Variants in SYS1 observed in about 807,000 individuals in gnomAD.
SYS1 encodes SYS1 golgi trafficking protein.
A neutral mutation model predicts 17.8 loss-of-function variants in SYS1; 8 were observed. The observed-to-expected ratio is 0.45, with a 90% CI of 0.26 to 0.81. The LOEUF is 0.81. Among genes scored for constraint, SYS1 ranks in the 40% least tolerant of loss-of-function variants. The pLI is 0.16. For synonymous variants in SYS1, 95 were observed against 90.9 expected, an observed-to-expected ratio of 1.05 and a Z score of -0.26; for missense variants, 161 against 203.9, an observed-to-expected ratio of 0.79 and a Z score of 1.28.
At chr20:45,365,372 G>A (rs889724634) in intron 2 of SYS1, 4 of 592,690 alleles carry the variant, frequency 6.7e-6, no homozygotes, top group Middle Eastern at 4.5e-4. Flanking sequence ...AACTTAACTT[G>A]TCTGAGTTTT....
At chr20:45,372,505 C>A (rs1313027394), downstream of SYS1, 1 of 152,296 alleles carries the variant, frequency 6.6e-6, no homozygotes, top group Non-Finnish European at 1.5e-5. Context: ...TGGGAGGGCG[C>A]TGTCTTGACT....
rs964800369 is a variant in SYS1 at position 45,368,279 on chromosome 20, C to T, written c.*1164C>T. On this transcript the variant is annotated 3_prime_UTR_variant, in exon 4 of 4. Coordinates refer to ENST00000243918, the MANE Select transcript of SYS1 (RefSeq NM_033542.4). ...TACTCAGTGCAGGGAACTCTTACAT[C>T]CTGTCTCCTTCACTTGCAGCGTCCC... The T allele has an allele frequency of 6.1e-6, 6 of 985,450 alleles. No homozygotes were observed. The East Asian group carries it at 6.8e-4, about 112-fold the overall frequency. The allele number at this position is 985,450 out of a possible 1,614,324, so 61.0% of individuals were successfully genotyped here.
rs369818892 is a variant in SYS1, at chr20:45,375,142, G to T, written c.*848G>T. ...GGAGGATCTGCACATCACCCTGGGC[G>T]CCGGGAGGTGGATTCGTGTGGGCAG... On this transcript the variant is annotated 3_prime_UTR_variant, in exon 4 of 4. Coordinates refer to the SYS1 transcript ENST00000426004. The T allele has an allele frequency of 2.8e-5, 45 of 1,614,026 alleles. No homozygotes were observed. Among genetic ancestry groups the T allele is most frequent in the Non-Finnish European group, 3.6e-5 (43 of 1,180,046 alleles).
Position 45,367,038 on chromosome 20 carries a change from G to T in SYS1, c.394G>T (p.Val132Phe). 6.2e-7 allele frequency: 1 copy of T among 1,614,180 alleles called. No individual in the cohort carries two copies. The highest frequency in any genetic ancestry group is 8.5e-7 in the Non-Finnish European group (1 of 1,180,030). Residue 132 changes from valine (V) to phenylalanine (F), a missense_variant, in exon 4 of 4, where the codon GTC becomes TTC. Coordinates refer to ENST00000243918, the MANE Select transcript of SYS1 (RefSeq NM_033542.4). Reference protein sequence around the residue: ...VQAVCIALMAVIGEYLCMRTE... With the variant: ...VQAVCIALMAFIGEYLCMRTE... ...AGCCGTGTGCATTGCACTCATGGCT[G>T]TCATCGGGGAGTACCTGTGCATGCG...
chr20:45,373,831 CT>C, downstream of SYS1: 1 of 1,458,486 alleles, frequency 6.9e-7, no homozygotes. Flanking sequence ...CCGAAGGCCT[CT>C]TTCCTTCATC....
chr20:45,364,126 G>A (rs1988322666), intron 2 of SYS1, among the ~76,000 whole-genome samples: 2 of 152,338 alleles, frequency 1.3e-5, no homozygotes, highest in East Asian at 3.9e-4. Flanking sequence ...TGGGGCAAAT[G>A]TCACCTCTGT....
chr20:45,374,899 A>G, exon 4 of SYS1: 17 of 1,183,776 alleles, frequency 1.4e-5, no homozygotes, highest in East Asian at 2.4e-5. Flanking sequence ...CTCTCTGGAC[A>G]TGAAGGCGGA....
At chr20:45,371,186 G>C (rs1308710899), downstream of SYS1, among the ~76,000 whole-genome samples, 3 of 152,036 alleles carry the variant, frequency 2.0e-5, no homozygotes, top group Admixed American at 2.0e-4. Context: ...TTGTTTTCTG[G>C]TAGGTCAACA....
At position 45,363,519 on chromosome 20, in the gene SYS1, G is replaced by T; in HGVS notation, c.-3-10G>T. 1 of 1,587,694 alleles carries T rather than the reference G, an allele frequency of 6.3e-7. No homozygotes were observed. Among genetic ancestry groups the T allele is most frequent in the Non-Finnish European group, 8.6e-7 (1 of 1,168,908 alleles). ...GGCCGCTGGCTGAGGCCCGGCTCGT[G>T]TCCCTGCAGGGCATGGCGGGTCAGT... On this transcript the variant is annotated splice_polypyrimidine_tract_variant and intron_variant, in intron 1 of 3. Transcript: ENST00000243918.
Position 45,367,440 on chromosome 20 carries a change from A to G in SYS1, c.*325A>G. 4.4e-6 allele frequency: 5 copies of G among 1,147,712 alleles called. No individual in the cohort carries two copies. Among genetic ancestry groups the G allele is most frequent in the Non-Finnish European group, 5.4e-6 (5 of 927,558 alleles). The allele number at this position is 1,147,712 out of a possible 1,614,324, so 71.1% of individuals were successfully genotyped here. On this transcript the variant is annotated 3_prime_UTR_variant, in exon 4 of 4. Coordinates refer to ENST00000243918, the MANE Select transcript of SYS1 (RefSeq NM_033542.4). ...GCCTGTTGTTTTAAGAGAGAAAAAA[A>G]ATCAAGGATATCTGATTGGAGCAAA...
chr20:45,363,501 G>A (rs1485747999), intron 1 of SYS1, 28 bp from the exon 2 acceptor site: 1 of 1,569,398 alleles, frequency 6.4e-7, no homozygotes, highest in South Asian at 1.2e-5. Context: ...ACAGGCCGCT[G>A]GCTGAGGCCC....
downstream of SYS1, chr20:45,373,040 GCT>G (rs886497398): frequency 6.6e-6 from 1 of 152,316 alleles, no homozygotes; most frequent in Non-Finnish European, 1.5e-5. Context: ...CCCCTCGATG[GCT>G]CCACTGCTCT....
intron 2 of SYS1, chr20:45,365,338 C>A: frequency 2.0e-6 from 1 of 506,336 alleles, no homozygotes; most frequent in Non-Finnish European, 3.7e-6. Flanking sequence ...CTAGACTTTA[C>A]TCTTGTTGTT....
At position 45,367,494 on chromosome 20, in the gene SYS1, C is replaced by G. The variant is rs1385524015; in HGVS notation, c.*379C>G. ...CTTCTTTAGTCATCTGTCTTACCCCCCTGGGACAGCTGTTACCTTTGCAGT... is the reference window on the plus strand; with the variant it reads ...CTTCTTTAGTCATCTGTCTTACCCCGCTGGGACAGCTGTTACCTTTGCAGT... On this transcript the variant is annotated 3_prime_UTR_variant, in exon 4 of 4. Transcript: ENST00000243918. 2.9e-6 allele frequency: 3 copies of G among 1,037,750 alleles called. No homozygotes were observed. Among genetic ancestry groups the G allele is most frequent in the East Asian group, 8.8e-5 (1 of 11,366 alleles). The allele number at this position is 1,037,750 out of a possible 1,614,324, so 64.3% of individuals were successfully genotyped here.
upstream of SYS1, chr20:45,362,060 GTTC>G: frequency 1.0e-6 from 1 of 979,846 alleles, no homozygotes; most frequent in Non-Finnish European, 1.2e-6. Context: ...TGCTTTTTCT[GTTC>G]TTAACTCATT....
In SYS1 at chr20:45,363,169, C is replaced by T; in HGVS notation, c.-150C>T. 3 of 1,041,324 alleles carry T rather than the reference C, an allele frequency of 2.9e-6. No individual in the cohort carries two copies. Among genetic ancestry groups the T allele is most frequent in the Non-Finnish European group, 3.5e-6 (3 of 863,482 alleles). The allele number at this position is 1,041,324 out of a possible 1,614,324, so 64.5% of individuals were successfully genotyped here. A position where few individuals can be genotyped will look rare whatever the true frequency, so the allele number is the denominator to read the frequency against. On this transcript the variant is annotated 5_prime_UTR_variant, in exon 1 of 4. Transcript: ENST00000243918. ...CCGGAAACGTTTCTTTCCTACGCAG[C>T]CGCTCCTGCCGCCGTGGTCGCTGGA...
In SYS1 at chr20:45,365,636, C is replaced by A. The variant is rs567570933; in HGVS notation, c.180C>A (p.Thr60=). ...MFDAEILGFS[T]PPGRLSMMSF... is the part of the protein sequence containing the mutation. The stretch of plus-strand genomic sequence containing the variant: ...CCCCTCAGATCCTGGGCTTTTCCAC[C>A]CCTCCAGGCCGGCTCTCCATGATGT... Residue 60 remains threonine, a synonymous_variant, in exon 3 of 4, where the codon ACC becomes ACA. Coordinates refer to ENST00000243918, the MANE Select transcript of SYS1 (RefSeq NM_033542.4). The A allele has an allele frequency of 2.5e-6, 4 of 1,614,038 alleles. No homozygotes were observed. In the East Asian group the frequency reaches 6.7e-5, roughly 27 times the overall value.
chr20:45,365,525 G>T lies in SYS1; in HGVS notation c.163-94G>T. The T allele has an allele frequency of 3.3e-6, 4 of 1,214,922 alleles. No individual in the cohort carries two copies. The South Asian group carries it at 4.8e-5, about 15-fold the overall frequency. 75.3% of individuals were successfully genotyped at this position (1,214,922 alleles called of 1,614,324 possible). ...AGGGAGGTATTATCTTCTGTGCTCT[G>T]GGAAGAATGCTTGTTCCTTAGGAGG... is the stretch of plus-strand genomic sequence containing the variant. On this transcript the variant is annotated intron_variant, in intron 2 of 3. Transcript: ENST00000243918.
downstream of SYS1, among the ~76,000 whole-genome samples, chr20:45,370,635 C>CA (rs1355133662): frequency 6.7e-6 from 1 of 149,304 alleles, no homozygotes; most frequent in Non-Finnish European, 1.5e-5. Flanking sequence ...GTACACAGCT[C>CA]AAACAGTCTC....
Sources: allele counts gnomAD v4.1 joint callset (sites outside exome capture counted in the v4.1 genomes callset), GRCh38; gene constraint gnomAD v4.1.1; transcripts MANE v1.5; gene names NCBI Gene and HGNC (gene_info 2026-07-23, HGNC 2026-07-21).